The following RASGRF2 variants were observed in gnomAD, a reference collection of about 807,000 sequenced individuals.
RASGRF2 encodes the protein Ras protein specific guanine nucleotide releasing factor 2, also known as ras-specific guanine nucleotide-releasing factor 2.
A neutral mutation model predicts 151.0 loss-of-function variants in RASGRF2; 76 were observed. The ratio of observed to expected loss-of-function variants is 0.50; its 90% CI spans 0.42 to 0.61. RASGRF2 has a LOEUF of 0.61. RASGRF2 is among the 20% of genes least tolerant of loss of function. The probability of loss-of-function intolerance (pLI) is 0.00; values close to 1 mark genes in which losing one functional copy is unlikely to be tolerated. For missense variants in RASGRF2, 1,148 were observed against 1,564.6 expected (o/e 0.73, Z 4.49); for synonymous variants, 504 against 566.5 (o/e 0.89, Z 1.57).
intron 2 of RASGRF2, among the ~76,000 whole-genome samples, chr5:81,066,395 T>G (rs761406066): frequency 1.3e-5 from 2 of 152,212 alleles, no homozygotes; most frequent in Non-Finnish European, 2.9e-5. Context: ...ATTTTAGAAG[T>G]GTCTTAAGAC....
intron 18 of RASGRF2, among the ~76,000 whole-genome samples, chr5:81,188,635 A>T (rs996428478): frequency 4.6e-5 from 7 of 152,212 alleles, no homozygotes; most frequent in African/African-American, 1.7e-4. Context: ...CACTTACTTT[A>T]TATCAGACAC....
chr5:80,985,083 G>C (rs908984054), intron 1 of RASGRF2, among the ~76,000 whole-genome samples: 9 of 152,170 alleles, frequency 5.9e-5, no homozygotes, highest in African/African-American at 2.2e-4. Flanking sequence ...GTGGTGGCAA[G>C]TGCTTGTAGT....
rs34823229 is a variant in RASGRF2 at position 80,995,684 on chromosome 5, T to TCCC, written c.288+34665_288+34667dup. Among the ~76,000 whole-genome samples the TCCC allele has an allele frequency of 8.0e-3, 554 of 69,044 alleles. 15 individuals are homozygous for TCCC. The highest frequency in any genetic ancestry group is 0.023 in the South Asian group (39 of 1,716). The allele number at this position is 69,044 out of a possible 152,430, so 45.3% of individuals were successfully genotyped here. On this transcript the variant is annotated intron_variant, in intron 1 of 26. Transcript: ENST00000265080. ...CAAATCATTGTTTCTTTCCTTTCCT[T>TCCC]CCCCCCCCCTTTTTTTTTTTTTTTT...
At chr5:81,039,979 A>AT (rs1464741192) in intron 1 of RASGRF2, among the ~76,000 whole-genome samples, 3 of 151,788 alleles carry the variant, frequency 2.0e-5, no homozygotes, top group African/African-American at 7.3e-5. Flanking sequence ...ATATGGCTTA[A>AT]TTTTTTTTAC....
At chr5:81,123,975 T>C (rs1753385015) in intron 16 of RASGRF2, among the ~76,000 whole-genome samples, 1 of 152,214 alleles carries the variant, frequency 6.6e-6, no homozygotes, top group African/African-American at 2.4e-5. Context: ...CAATCACCCA[T>C]CAAAAATATT....
Position 81,207,251 on chromosome 5 carries a change from C to T in RASGRF2, c.2973C>T (p.Asp991=). 6.2e-7 allele frequency: 1 copy of T among 1,614,142 alleles called. No homozygotes were observed. Among genetic ancestry groups the T allele is most frequent in the Non-Finnish European group, 8.5e-7 (1 of 1,180,006 alleles). Reference sequence around the variant, plus strand: ...CCCTCCCTCATCTCTTGCAGACTGACTGCATGAAGGCCGAATGCTTTGAGT... The same window carrying T: ...CCCTCCCTCATCTCTTGCAGACTGATTGCATGAAGGCCGAATGCTTTGAGT... ...LKLEDIIQMT[D]CMKAECFESL... is the part of the protein sequence containing the mutation. Residue 991 remains aspartate, a synonymous_variant, in exon 21 of 27, where the codon GAC becomes GAT. Transcript: ENST00000265080.
intron 1 of RASGRF2, among the ~76,000 whole-genome samples, chr5:80,999,149 AG>A (rs1349972389): frequency 6.6e-6 from 1 of 152,014 alleles, no homozygotes; most frequent in Non-Finnish European, 1.5e-5. Context: ...GGAGGAAGCA[AG>A]GTATATTCAG....
At position 81,133,681 on chromosome 5, in the gene RASGRF2, A is replaced by G. The variant is rs533443812; in HGVS notation, c.2686+6518A>G. Among the ~76,000 whole-genome samples, 28 of 152,320 alleles carry G rather than the reference A, an allele frequency of 1.8e-4. No individual in the cohort carries two copies. In the South Asian group the frequency reaches 2.9e-3, roughly 16 times the overall value. ...GAGGTACTATAAGCAACTCCTGGTT[A>G]TCTGTGAGCAGATTATATGTTTTAC... On this transcript the variant is annotated intron_variant, in intron 17 of 26. Transcript: ENST00000265080.
At chr5:81,147,385 A>C (rs1228655827) in intron 17 of RASGRF2, among the ~76,000 whole-genome samples, 3 of 152,122 alleles carry the variant, frequency 2.0e-5, no homozygotes, top group Non-Finnish European at 4.4e-5. Flanking sequence ...GGTATATTAG[A>C]TTAGGTGGAG....
chr5:81,000,518 C>T (rs920599513), intron 1 of RASGRF2, among the ~76,000 whole-genome samples: 6 of 152,320 alleles, frequency 3.9e-5, no homozygotes, highest in African/African-American at 1.4e-4. Flanking sequence ...AATGGGATTA[C>T]AGGTGAGAGC....
intron 9 of RASGRF2, among the ~76,000 whole-genome samples, chr5:81,091,364 T>C (rs1752383177): frequency 6.6e-6 from 1 of 152,160 alleles, no homozygotes; most frequent in African/African-American, 2.4e-5. Context: ...CCTCCTTCAT[T>C]CACTCTCCTC....
At position 81,225,811 on chromosome 5, in the gene RASGRF2, A is replaced by T; in HGVS notation, c.*41A>T. On this transcript the variant is annotated 3_prime_UTR_variant, in exon 27 of 27. Coordinates refer to ENST00000265080, the MANE Select transcript of RASGRF2 (RefSeq NM_006909.3). ...CCTGAGTCCACGGGATGTTCATGGA[A>T]AGCAGGACAGACAGAATTGTGTATG... The T allele has an allele frequency of 6.3e-7, 1 of 1,597,868 alleles. No individual in the cohort carries two copies. The highest frequency in any genetic ancestry group is 8.5e-7 in the Non-Finnish European group (1 of 1,174,254).
At chr5:81,096,985 G>T (rs1752567665) in intron 12 of RASGRF2, among the ~76,000 whole-genome samples, 1 of 151,278 alleles carries the variant, frequency 6.6e-6, no homozygotes, top group African/African-American at 2.4e-5. Flanking sequence ...TTTTTGAGAT[G>T]GAGTCTCGCT....
intron 1 of RASGRF2, among the ~76,000 whole-genome samples, chr5:81,023,138 A>G (rs1749890369): frequency 6.6e-6 from 1 of 152,174 alleles, no homozygotes; most frequent in South Asian, 2.1e-4. Context: ...TTTGGATGTA[A>G]TAGGAATGCT....
At chr5:81,043,841 T>G (rs1390092745) in intron 2 of RASGRF2, among the ~76,000 whole-genome samples, 3 of 152,178 alleles carry the variant, frequency 2.0e-5, no homozygotes, top group East Asian at 1.9e-4. Flanking sequence ...TGTTCCTCCC[T>G]CTACCACTCC....
chr5:81,106,536 A>G (rs1752852501), intron 12 of RASGRF2, among the ~76,000 whole-genome samples: 1 of 152,166 alleles, frequency 6.6e-6, no homozygotes, highest in South Asian at 2.1e-4. Flanking sequence ...CCTGCCTCCA[A>G]CTGATTTCTC....
chr5:81,165,587 G>T (rs1292310069), intron 17 of RASGRF2, among the ~76,000 whole-genome samples: 1 of 152,114 alleles, frequency 6.6e-6, no homozygotes, highest in African/African-American at 2.4e-5. Flanking sequence ...AGAATTCTTT[G>T]GGAATATTTC....
intron 17 of RASGRF2, 96 bp from the exon 18 acceptor site, chr5:81,180,079 A>C: frequency 1.4e-6 from 1 of 699,128 alleles, no homozygotes; most frequent in Admixed American, 2.0e-5. Context: ...GTCATCTGTG[A>C]GTTTCGTTAA....
At position 81,007,526 on chromosome 5, in the gene RASGRF2, G is replaced by A. The variant is rs575432146; in HGVS notation, c.289-35351G>A. 3.9e-5 allele frequency among the ~76,000 whole-genome samples: 6 copies of A among 152,086 alleles called. 1 individual carries two copies. Among genetic ancestry groups the A allele is most frequent in the Admixed American group, 3.9e-4 (6 of 15,258 alleles). On this transcript the variant is annotated intron_variant, in intron 1 of 26. Coordinates refer to ENST00000265080, the MANE Select transcript of RASGRF2 (RefSeq NM_006909.3). The stretch of plus-strand genomic sequence containing the variant: ...AGAGAGCCCTATTGTCAGCTGCCCC[G>A]GGATGTCATTTTTTCCTTCATGGTG...
Sources: allele counts gnomAD v4.1 joint callset (sites outside exome capture counted in the v4.1 genomes callset), GRCh38; gene constraint gnomAD v4.1.1; transcripts MANE v1.5; gene names NCBI Gene and HGNC (gene_info 2026-07-23, HGNC 2026-07-21).